Variants in AFG2A observed in about 807,000 individuals in gnomAD.
AFG2A encodes ATPase family gene 2 protein homolog A.
At chr4:123,252,387 G>T in the AFG2A span, among the ~76,000 whole-genome samples, 1 of 152,282 alleles carries the variant, frequency 6.6e-6, no homozygotes, top group Non-Finnish European at 1.5e-5. Flanking sequence ...TGAAATGGTT[G>T]TAATATATGT....
At chr4:123,166,333 G>C in the AFG2A span, among the ~76,000 whole-genome samples, 1 of 152,136 alleles carries the variant, frequency 6.6e-6, no homozygotes, top group African/African-American at 2.4e-5. Context: ...TCTTTCTCTC[G>C]TGCTTTATGC....
At chr4:123,007,656 C>T in the AFG2A span, among the ~76,000 whole-genome samples, 1 of 64,018 alleles carries the variant, frequency 1.6e-5, no homozygotes, top group African/African-American at 3.8e-5. Context: ...CACACACACA[C>T]ACACACACAC....
chr4:122,938,052 T>TA, the AFG2A span: 1 of 1,377,758 alleles, frequency 7.3e-7, no homozygotes, highest in Non-Finnish European at 9.6e-7. Context: ...GCATTTCAGT[T>TA]AAAAAAATTA....
chr4:123,007,602 GTGTGTGTA>G, the AFG2A span, among the ~76,000 whole-genome samples: 23 of 11,044 alleles, frequency 2.1e-3, 1 homozygote, highest in African/African-American at 4.9e-3. Context: ...GTGTGTGTGT[GTGTGTGTA>G]TATATATATA....
the AFG2A span, among the ~76,000 whole-genome samples, chr4:123,159,896 A>T: frequency 6.6e-6 from 1 of 152,232 alleles, no homozygotes; most frequent in Non-Finnish European, 1.5e-5. Flanking sequence ...GCCAGCCAAA[A>T]GCATTTCAGC....
At chr4:122,935,400 T>C in the AFG2A span, among the ~76,000 whole-genome samples, 1 of 152,050 alleles carries the variant, frequency 6.6e-6, no homozygotes, top group Non-Finnish European at 1.5e-5. Flanking sequence ...CTACCTGTGT[T>C]GTCTGTGCTT....
the AFG2A span, among the ~76,000 whole-genome samples, chr4:123,010,441 C>T: frequency 1.3e-5 from 2 of 151,938 alleles, no homozygotes; most frequent in East Asian, 1.9e-4. Flanking sequence ...ATGTAGAGAC[C>T]GTGTCAGTTT....
the AFG2A span, among the ~76,000 whole-genome samples, chr4:123,110,466 C>T: frequency 6.6e-6 from 1 of 152,052 alleles, no homozygotes; most frequent in African/African-American, 2.4e-5. Flanking sequence ...AAATGTAATC[C>T]AAGCAAAACT....
chr4:122,990,948 T>A, the AFG2A span, among the ~76,000 whole-genome samples: 1 of 152,174 alleles, frequency 6.6e-6, no homozygotes, highest in East Asian at 1.9e-4. Flanking sequence ...GTCATATAAG[T>A]TTTGGGATTG....
chr4:123,045,377 A>G, the AFG2A span, among the ~76,000 whole-genome samples: 1 of 152,160 alleles, frequency 6.6e-6, no homozygotes, highest in African/African-American at 2.4e-5. Context: ...GAGCATTATT[A>G]TTGTCACTCA....
the AFG2A span, among the ~76,000 whole-genome samples, chr4:123,313,116 G>C: frequency 1.3e-5 from 2 of 152,198 alleles, no homozygotes; most frequent in African/African-American, 4.8e-5. Context: ...TGCTTCCGCT[G>C]TCTGAAGTCC....
At chr4:122,934,720 G>A in the AFG2A span, 3 of 1,579,152 alleles carry the variant, frequency 1.9e-6, no homozygotes. Flanking sequence ...CAAACAGCCT[G>A]AGCTTTTCAA....
the AFG2A span, among the ~76,000 whole-genome samples, chr4:123,242,768 G>A: frequency 7.9e-5 from 12 of 152,250 alleles, no homozygotes; most frequent in Admixed American, 7.8e-4. Context: ...TTAATCTAAA[G>A]AGCTTCTGCA....
the AFG2A span, among the ~76,000 whole-genome samples, chr4:123,284,522 G>A: frequency 1.1e-4 from 17 of 152,312 alleles, 2 homozygotes; most frequent in South Asian, 3.5e-3. Flanking sequence ...ATAATCATCA[G>A]TGGTAGATGT....
the AFG2A span, among the ~76,000 whole-genome samples, chr4:123,107,785 A>AG: frequency 2.0e-5 from 3 of 152,122 alleles, no homozygotes; most frequent in Non-Finnish European, 4.4e-5. Context: ...CAAAGTCCAG[A>AG]GGGGTTCAAG....
chr4:123,239,363 C>A, the AFG2A span, among the ~76,000 whole-genome samples: 4,835 of 152,008 alleles, frequency 0.032, 270 homozygotes, highest in African/African-American at 0.11. Flanking sequence ...GAAGAGCAAC[C>A]CCAAGACACA....
At chr4:123,204,654 C>T in the AFG2A span, among the ~76,000 whole-genome samples, 1 of 152,122 alleles carries the variant, frequency 6.6e-6, no homozygotes, top group South Asian at 2.1e-4. Flanking sequence ...TTGTGAGAAA[C>T]CTTATAAAAT....
At chr4:123,102,318 AG>A in the AFG2A span, 2 of 151,234 alleles carry the variant, frequency 1.3e-5, no homozygotes, top group African/African-American at 4.8e-5. Context: ...AAAAAGAAAA[AG>A]CAATCAATCA....
chr4:123,235,706 A>G, the AFG2A span, among the ~76,000 whole-genome samples: 1 of 152,194 alleles, frequency 6.6e-6, no homozygotes. Flanking sequence ...GGACTTCACC[A>G]TGGAAGAAAA....
Sources: gnomAD v4.1 joint callset for allele counts (sites outside exome capture counted in the v4.1 genomes callset) on GRCh38, gnomAD v4.1.1 for gene constraint, MANE v1.5 for transcripts, NCBI Gene and HGNC (gene_info 2026-07-23, HGNC 2026-07-21) for gene names.